CPQ: variants seen among roughly 807,000 people sequenced by gnomAD.
CPQ encodes Ser-Met dipeptidase.
A neutral mutation model predicts 45.7 loss-of-function variants in CPQ; 37 were observed. The observed-to-expected ratio is 0.81, with a 90% confidence interval of 0.62 to 1.07. CPQ has a LOEUF of 1.07. Among genes scored for constraint, CPQ ranks in the 50% least tolerant of loss-of-function variants. The probability of loss-of-function intolerance (pLI) is 0.00; values close to 1 mark genes in which losing one functional copy is unlikely to be tolerated. For synonymous variants in CPQ, 186 were observed against 205.8 expected, an observed-to-expected ratio of 0.90 and a Z score of 0.82; for missense variants, 537 against 572.9, an observed-to-expected ratio of 0.94 and a Z score of 0.64.
At chr8:96,823,382 G>A (rs145710584) in intron 2 of CPQ, among the ~76,000 whole-genome samples, 47 of 152,022 alleles carry the variant, frequency 3.1e-4, no homozygotes, top group African/African-American at 9.4e-4. Flanking sequence ...GGAAATTTGT[G>A]CTACTCTTAA....
chr8:97,092,407 G>T (rs1811141358), intron 7 of CPQ: 1 of 152,066 alleles, frequency 6.6e-6, no homozygotes, highest in African/African-American at 2.4e-5. Context: ...TTTCACAAAA[G>T]GTGTGGGAAA....
At chr8:97,027,836 T>C (rs1239397924) in intron 5 of CPQ, among the ~76,000 whole-genome samples, 1 of 152,204 alleles carries the variant, frequency 6.6e-6, no homozygotes, top group Non-Finnish European at 1.5e-5. Flanking sequence ...TTCCAGAAGT[T>C]TACTTCTGGT....
chr8:96,792,710 C>G (rs1359037713), intron 2 of CPQ, among the ~76,000 whole-genome samples: 1 of 152,084 alleles, frequency 6.6e-6, no homozygotes, highest in Non-Finnish European at 1.5e-5. Flanking sequence ...ATTTGAGAAA[C>G]AGTGGATTTT....
intron 7 of CPQ, among the ~76,000 whole-genome samples, chr8:97,141,893 A>G (rs983136408): frequency 6.6e-6 from 1 of 152,206 alleles, no homozygotes; most frequent in East Asian, 1.9e-4. Flanking sequence ...AAAGTAGGCA[A>G]TATTAAACTG....
At chr8:96,755,259 T>C (rs1346487472) in intron 1 of CPQ, among the ~76,000 whole-genome samples, 1 of 152,024 alleles carries the variant, frequency 6.6e-6, no homozygotes, top group African/African-American at 2.4e-5. Flanking sequence ...TGCCTTAGTC[T>C]TCTTGTTCCT....
intron 2 of CPQ, among the ~76,000 whole-genome samples, chr8:96,817,383 G>T (rs1811242001): frequency 6.6e-6 from 1 of 152,106 alleles, no homozygotes; most frequent in Admixed American, 6.6e-5. Flanking sequence ...AACAGATATA[G>T]TAAAAATGAA....
chr8:96,954,506 G>A (rs1813321361), intron 4 of CPQ, among the ~76,000 whole-genome samples: 1 of 151,902 alleles, frequency 6.6e-6, no homozygotes, highest in Non-Finnish European at 1.5e-5. Flanking sequence ...TATTTTAGTT[G>A]ATTGCATTTA....
chr8:96,926,634 C>CCTT (rs1346468043), intron 4 of CPQ, among the ~76,000 whole-genome samples: 1 of 74,518 alleles, frequency 1.3e-5, no homozygotes, highest in African/African-American at 7.4e-5. Context: ...TCCTCCTTCT[C>CCTT]CTTCTTCTTC....
intron 7 of CPQ, among the ~76,000 whole-genome samples, chr8:97,136,496 G>A (rs982464823): frequency 2.0e-5 from 3 of 152,192 alleles, no homozygotes; most frequent in African/African-American, 7.2e-5. Context: ...GCTGATTGAG[G>A]AAACTAAAGT....
chr8:96,986,160 A>G (rs1353744719), intron 5 of CPQ, among the ~76,000 whole-genome samples: 1 of 152,190 alleles, frequency 6.6e-6, no homozygotes, highest in East Asian at 1.9e-4. Context: ...TCTACAGAAG[A>G]TGGAGATGCA....
At chr8:96,932,207 G>A (rs1473224258) in intron 4 of CPQ, among the ~76,000 whole-genome samples, 2 of 151,206 alleles carry the variant, frequency 1.3e-5, no homozygotes, top group Non-Finnish European at 2.9e-5. Flanking sequence ...AGGAAATAGT[G>A]CAAATATAGT....
chr8:96,680,037 T>G (rs113028193), intron 1 of CPQ, among the ~76,000 whole-genome samples: 6 of 152,168 alleles, frequency 3.9e-5, no homozygotes, highest in African/African-American at 1.4e-4. Context: ...TTCTACTTTT[T>G]TGAGGTAAGC....
chr8:97,051,520 G>A (rs1455404534), intron 6 of CPQ, among the ~76,000 whole-genome samples: 1 of 152,152 alleles, frequency 6.6e-6, no homozygotes, highest in East Asian at 1.9e-4. Context: ...GACAGGTTTT[G>A]CTAATACTAC....
chr8:96,873,939 C>T (rs1812112815), intron 3 of CPQ, among the ~76,000 whole-genome samples: 1 of 151,774 alleles, frequency 6.6e-6, no homozygotes, highest in African/African-American at 2.4e-5. Flanking sequence ...AACTGCCTGA[C>T]ATGAAGGGAG....
At chr8:97,036,835 G>A (rs956853822) in intron 6 of CPQ, among the ~76,000 whole-genome samples, 3 of 152,132 alleles carry the variant, frequency 2.0e-5, no homozygotes, top group African/African-American at 7.2e-5. Flanking sequence ...TCTTATTCTG[G>A]CATGAAAAAT....
chr8:96,736,027 A>G (rs1420812155), intron 1 of CPQ, among the ~76,000 whole-genome samples: 4 of 151,516 alleles, frequency 2.6e-5, no homozygotes, highest in Admixed American at 2.0e-4. Flanking sequence ...TCCCTCTTTC[A>G]GCTGGCCATT....
intron 1 of CPQ, among the ~76,000 whole-genome samples, chr8:96,668,377 A>G (rs1808955896): frequency 6.6e-6 from 1 of 152,202 alleles, no homozygotes; most frequent in African/African-American, 2.4e-5. Context: ...TTATTACATG[A>G]CCAAGGATGA....
chr8:96,818,083 A>G (rs1811252897), intron 2 of CPQ, among the ~76,000 whole-genome samples: 2 of 151,974 alleles, frequency 1.3e-5, no homozygotes, highest in Non-Finnish European at 2.9e-5. Flanking sequence ...GACTCCTTTC[A>G]CATGAACACT....
intron 5 of CPQ, among the ~76,000 whole-genome samples, chr8:97,000,934 C>A (rs1339276366): frequency 6.6e-6 from 1 of 152,036 alleles, no homozygotes; most frequent in African/African-American, 2.4e-5. Context: ...GTTTGTAGTT[C>A]TCCTTGTAGA....
Sources: allele counts gnomAD v4.1 joint callset (sites outside exome capture counted in the v4.1 genomes callset), GRCh38; gene constraint gnomAD v4.1.1; transcripts MANE v1.5; gene names NCBI Gene and HGNC (gene_info 2026-07-23, HGNC 2026-07-21).